Variants in PCDH15 observed in about 807,000 individuals in gnomAD.
PCDH15 encodes protocadherin related 15, also known as protocadherin-15.
PCDH15 carries 129 observed loss-of-function variants against 178.5 expected under a neutral mutation model. The ratio of observed to expected loss-of-function variants is 0.72; its 90% CI spans 0.63 to 0.84. The LOEUF (loss-of-function observed/expected upper bound fraction) is 0.84. PCDH15 is among the 40% of genes least tolerant of loss of function. The probability of loss-of-function intolerance (pLI) is 0.00; values close to 1 mark genes in which losing one functional copy is unlikely to be tolerated. For synonymous variants in PCDH15, 800 were observed against 732.0 expected, an observed-to-expected ratio of 1.09 and a Z score of -1.50; for missense variants, 2,230 against 2,099.9, an observed-to-expected ratio of 1.06 and a Z score of -1.21.
In PCDH15 at chr10:54,519,773, C is replaced by G. The variant is rs1046154910; in HGVS notation, c.157+8039G>C. Among the ~76,000 whole-genome samples the G allele has an allele frequency of 3.4e-4, 52 of 152,146 alleles. 1 individual carries two copies. The highest frequency in any genetic ancestry group is 8.9e-4 in the African/African-American group (37 of 41,518). Reference sequence around the variant, plus strand: ...TCACCAAGTCAATCCTAAGCCAAAACAACAAAGCTGGAGGCATCACGCTAC... The same window carrying G: ...TCACCAAGTCAATCCTAAGCCAAAAGAACAAAGCTGGAGGCATCACGCTAC... On this transcript the variant is annotated intron_variant, in intron 3 of 37. Coordinates refer to ENST00000644397, the MANE Select transcript of PCDH15 (RefSeq NM_001384140.1).
At chr10:55,527,287 C>T (rs989782127) in intron 2 of PCDH15, among the ~76,000 whole-genome samples, 1 of 151,952 alleles carries the variant, frequency 6.6e-6, no homozygotes, top group African/African-American at 2.4e-5. Flanking sequence ...AAGGTGTCAG[C>T]CAGAATGGTT....
At chr10:55,138,449 C>T (rs1160908902) in intron 2 of PCDH15, among the ~76,000 whole-genome samples, 1 of 152,050 alleles carries the variant, frequency 6.6e-6, no homozygotes, top group Non-Finnish European at 1.5e-5. Flanking sequence ...CTGTGGCAAT[C>T]TTGTGACTGT....
At chr10:55,224,966 C>A (rs537188744) in intron 1 of PCDH15, among the ~76,000 whole-genome samples, 8 of 152,220 alleles carry the variant, frequency 5.3e-5, no homozygotes, top group Middle Eastern at 3.4e-3. Context: ...ACAGCAAAGC[C>A]ACTCCTTGGT....
At chr10:54,865,579 G>A (rs75334053) in intron 3 of PCDH15, among the ~76,000 whole-genome samples, 6,591 of 152,080 alleles carry the variant, frequency 0.043, 159 homozygotes, top group Middle Eastern at 0.11. Flanking sequence ...AACCACCCCC[G>A]GGATCCAATC....
chr10:54,506,683 CA>C (rs2081195602), intron 3 of PCDH15, among the ~76,000 whole-genome samples: 1 of 151,852 alleles, frequency 6.6e-6, no homozygotes. Flanking sequence ...GAATTGCCTA[CA>C]AAAACTGGAC....
At chr10:55,235,906 CAAAAAAAAAAAA>C (rs144784085) in intron 1 of PCDH15, among the ~76,000 whole-genome samples, 40 of 115,672 alleles carry the variant, frequency 3.5e-4, no homozygotes, top group Admixed American at 7.3e-4. Flanking sequence ...GACTCCATGT[CAAAAAAAAAAAA>C]AAAAAAAAAA....
At chr10:54,309,319 AT>A (rs2133450355) in intron 8 of PCDH15, among the ~76,000 whole-genome samples, 1 of 94,712 alleles carries the variant, frequency 1.1e-5, no homozygotes, top group African/African-American at 5.1e-5. Context: ...ATATACGTAC[AT>A]ACACACACAC....
intron 2 of PCDH15, among the ~76,000 whole-genome samples, chr10:54,549,414 C>T (rs1029735851): frequency 1.3e-5 from 2 of 151,568 alleles, no homozygotes; most frequent in African/African-American, 2.4e-5. Context: ...TTCTTTTTTA[C>T]CCATAGGTTA....
intron 1 of PCDH15, among the ~76,000 whole-genome samples, chr10:55,200,621 A>G (rs990544453): frequency 6.6e-6 from 1 of 152,096 alleles, no homozygotes; most frequent in Non-Finnish European, 1.5e-5. Flanking sequence ...GGGAGGGGCC[A>G]GGAACAGAAT....
chr10:54,089,874 A>G, intron 16 of PCDH15, 110 bp downstream of exon 16: 5 of 807,830 alleles, frequency 6.2e-6, no homozygotes, highest in Middle Eastern at 3.5e-4. Context: ...AGAAAACAGA[A>G]AGGGAAGTAC....
At chr10:55,196,551 A>G (rs1009014890) in intron 1 of PCDH15, among the ~76,000 whole-genome samples, 1 of 152,078 alleles carries the variant, frequency 6.6e-6, no homozygotes, top group Non-Finnish European at 1.5e-5. Context: ...CAGGTACAAT[A>G]TAAGGACATA....
intron 8 of PCDH15, among the ~76,000 whole-genome samples, chr10:54,269,369 A>T (rs563104892): frequency 4.7e-4 from 71 of 152,116 alleles, no homozygotes; most frequent in African/African-American, 1.6e-3. Flanking sequence ...TAGGTTAATG[A>T]ATCACTGTGA....
chr10:54,243,506 C>CA (rs943385529), intron 8 of PCDH15, among the ~76,000 whole-genome samples: 259 of 147,250 alleles, frequency 1.8e-3, no homozygotes, highest in African/African-American at 5.9e-3. Flanking sequence ...GACTCAGCGT[C>CA]AAAAAAAAAA....
chr10:54,990,253 T>A (rs1015759941), intron 2 of PCDH15, among the ~76,000 whole-genome samples: 2 of 152,214 alleles, frequency 1.3e-5, no homozygotes, highest in South Asian at 2.1e-4. Context: ...TCTGTGTAAC[T>A]TTTTTTGTAT....
intron 3 of PCDH15, among the ~76,000 whole-genome samples, chr10:54,484,818 C>T (rs1565393465): frequency 6.6e-6 from 1 of 151,798 alleles, no homozygotes; most frequent in Non-Finnish European, 1.5e-5. Flanking sequence ...TACAAGAAGC[C>T]TTGTTTGATA....
intron 2 of PCDH15, among the ~76,000 whole-genome samples, chr10:55,024,501 A>C (rs532295691): frequency 1.3e-5 from 2 of 151,082 alleles, no homozygotes; most frequent in East Asian, 3.9e-4. Flanking sequence ...TCTTTTTCTG[A>C]TTCAGATGTA....
At chr10:55,145,767 T>A (rs75404942) in intron 2 of PCDH15, among the ~76,000 whole-genome samples, 28 of 60,596 alleles carry the variant, frequency 4.6e-4, no homozygotes, top group African/African-American at 1.3e-3. Context: ...AACAAAAAAA[T>A]ATTATTTTCC....
chr10:53,996,817 T>G (rs1378537109), intron 20 of PCDH15, among the ~76,000 whole-genome samples: 1 of 152,146 alleles, frequency 6.6e-6, no homozygotes, highest in African/African-American at 2.4e-5. Flanking sequence ...GGGTCAAACA[T>G]ATTTGAACTG....
intron 2 of PCDH15, among the ~76,000 whole-genome samples, chr10:54,649,999 T>C (rs550834359): frequency 1.3e-5 from 2 of 152,240 alleles, no homozygotes; most frequent in East Asian, 3.9e-4. Context: ...TTCTGCCAAG[T>C]CCTGAGGAAA....
Sources: gnomAD v4.1 joint callset for allele counts (sites outside exome capture counted in the v4.1 genomes callset) on GRCh38, gnomAD v4.1.1 for gene constraint, MANE v1.5 for transcripts, NCBI Gene and HGNC (gene_info 2026-07-23, HGNC 2026-07-21) for gene names.